The following TMC7 variants were observed in gnomAD, a reference collection of about 807,000 sequenced individuals.
TMC7 encodes the protein transmembrane channel-like protein 7.
Under a neutral mutation model 82.9 loss-of-function variants are expected in TMC7, and 54 were observed. The observed-to-expected ratio is 0.65, with a 90% confidence interval of 0.52 to 0.82. The LOEUF is 0.82. Ranked by LOEUF, TMC7 falls within the 40% of genes least tolerant of loss-of-function variation. The pLI is 0.00. For synonymous variants in TMC7, 350 were observed against 337.9 expected (o/e 1.04, Z -0.39); for missense variants, 820 against 901.2 (o/e 0.91, Z 1.15).
Position 19,040,236 on chromosome 16 carries a change from G to A in TMC7, c.1180-53G>A, listed in dbSNP as rs1960950043. On this transcript the variant is annotated intron_variant, in intron 8 of 15. Transcript: ENST00000304381. ...GAGTTCTTTTTTGTTCTATCTATTT[G>A]TGGTGTAACTTCCTCATATACTCCT... The A allele has an allele frequency of 2.0e-6, 3 of 1,511,538 alleles. No individual in the cohort carries two copies. In the Admixed American group the frequency reaches 5.8e-5, roughly 29 times the overall value. 93.6% of individuals were successfully genotyped at this position (1,511,538 alleles called of 1,614,324 possible).
chr16:18,994,451 CAA>C (rs112762077), intron 1 of TMC7, among the ~76,000 whole-genome samples: 5 of 123,394 alleles, frequency 4.1e-5, no homozygotes, highest in Admixed American at 8.5e-5. Flanking sequence ...AGACTCTTCT[CAA>C]AAAAAAAAAA....
chr16:19,036,696 C>A (rs1204998059), intron 7 of TMC7, among the ~76,000 whole-genome samples: 2 of 151,512 alleles, frequency 1.3e-5, no homozygotes, highest in Admixed American at 6.6e-5. Flanking sequence ...GCCTGGGTGA[C>A]AGAGCTAGAC....
At chr16:19,027,611 T>G (rs543472160) in intron 5 of TMC7, among the ~76,000 whole-genome samples, 1 of 152,224 alleles carries the variant, frequency 6.6e-6, no homozygotes, top group Non-Finnish European at 1.5e-5. Context: ...AGGGAGAGGT[T>G]GGTGACAGCC....
At chr16:19,013,177 C>A (rs1959474617) in intron 2 of TMC7, among the ~76,000 whole-genome samples, 1 of 151,882 alleles carries the variant, frequency 6.6e-6, no homozygotes, top group South Asian at 2.1e-4. Flanking sequence ...CTTTAATCCC[C>A]ACTCCACCCT....
chr16:19,006,466 G>A (rs1040980328), intron 1 of TMC7, among the ~76,000 whole-genome samples: 1 of 151,980 alleles, frequency 6.6e-6, no homozygotes, highest in Non-Finnish European at 1.5e-5. Context: ...TTACAGGCGT[G>A]AGCCACCGTG....
At chr16:19,017,402 T>C (rs1309664949) in intron 3 of TMC7, among the ~76,000 whole-genome samples, 2 of 149,594 alleles carry the variant, frequency 1.3e-5, no homozygotes, top group East Asian at 3.9e-4. Context: ...AATTATAATA[T>C]TTTAATATTA....
intron 1 of TMC7, among the ~76,000 whole-genome samples, chr16:18,986,884 A>G (rs1221827255): frequency 6.6e-6 from 1 of 151,740 alleles, no homozygotes; most frequent in East Asian, 1.9e-4. Flanking sequence ...GGCTCACTGC[A>G]AGCTCCGTCT....
chr16:19,061,765 T>A lies in TMC7; in HGVS notation c.2107-13T>A, dbSNP rs745900277. The A allele has an allele frequency of 1.7e-5, 28 of 1,610,904 alleles. No individual in the cohort carries two copies. Among genetic ancestry groups the A allele is most frequent in the Non-Finnish European group, 2.0e-5 (24 of 1,178,272 alleles). ...AATATATTAAATGTACATGTGAACT[T>A]ATTATTTTTTAGGAAAGTCGTGACA... On this transcript the variant is annotated splice_polypyrimidine_tract_variant and intron_variant, in intron 15 of 15. Coordinates refer to ENST00000304381, the MANE Select transcript of TMC7 (RefSeq NM_024847.4).
intron 1 of TMC7, among the ~76,000 whole-genome samples, chr16:18,988,521 G>T (rs1359190516): frequency 2.0e-5 from 3 of 151,780 alleles, no homozygotes; most frequent in Non-Finnish European, 4.4e-5. Flanking sequence ...AAACTCCTGA[G>T]TTCAATCGAT....
chr16:18,994,012 T>C (rs1373604854), intron 1 of TMC7, among the ~76,000 whole-genome samples: 2 of 151,736 alleles, frequency 1.3e-5, no homozygotes, highest in African/African-American at 4.8e-5. Flanking sequence ...GAAAGAAATA[T>C]GGGGAAATGA....
intron 4 of TMC7, among the ~76,000 whole-genome samples, chr16:19,022,637 C>T (rs919733630): frequency 2.6e-5 from 4 of 152,188 alleles, no homozygotes; most frequent in Admixed American, 1.3e-4. Flanking sequence ...CCGTGATGTT[C>T]GCATGACGAA....
chr16:19,023,477 C>T (rs1434638095), intron 5 of TMC7, among the ~76,000 whole-genome samples: 2 of 152,138 alleles, frequency 1.3e-5, no homozygotes, highest in Non-Finnish European at 2.9e-5. Flanking sequence ...GATGGAGTCT[C>T]GCTCCGTCGC....
Position 19,061,080 on chromosome 16 carries a change from T to G in TMC7, c.2107-698T>G, listed in dbSNP as rs181452102. On this transcript the variant is annotated intron_variant, in intron 15 of 15. Transcript: ENST00000304381. ...GTGCAGTGGTGTGATCTCAGTTCAC[T>G]GCAACCTCCACCTCCTGGGTTCAAG... 4.1e-3 allele frequency among the ~76,000 whole-genome samples: 620 copies of G among 150,818 alleles called. 2 individuals carry two copies. The highest frequency in any genetic ancestry group is 0.01 in the Middle Eastern group (3 of 294).
intron 1 of TMC7, among the ~76,000 whole-genome samples, chr16:18,988,448 T>G (rs905989604): frequency 5.3e-5 from 8 of 150,970 alleles, no homozygotes; most frequent in African/African-American, 1.9e-4. Flanking sequence ...TGCAACCACG[T>G]CTGGCTAATT....
intron 11 of TMC7, among the ~76,000 whole-genome samples, chr16:19,045,917 GA>G (rs1459915802): frequency 1.3e-5 from 2 of 151,808 alleles, no homozygotes; most frequent in Non-Finnish European, 2.9e-5. Context: ...TTTTTGTAGA[GA>G]GGGGCTCTTG....
At chr16:19,026,908 C>A (rs917314299) in intron 5 of TMC7, among the ~76,000 whole-genome samples, 2 of 149,224 alleles carry the variant, frequency 1.3e-5, no homozygotes, top group African/African-American at 5.0e-5. Context: ...GTTACAGGCG[C>A]CCACCACCAC....
chr16:19,047,072 G>T lies in TMC7; in HGVS notation c.1563G>T (p.Val521=). Residue 521 remains valine, a synonymous_variant, in exon 12 of 16, where the codon GTG becomes GTT. Transcript: ENST00000304381. The part of the protein sequence containing the change: ...LFVDFPRKLL[V]TYCSSCKLIQ... ...AATTGTCTGTTTCCAGGCTCCTGGT[G>T]ACCTACTGTTCCTCTTGCAAGCTGA... The T allele has an allele frequency of 1.2e-6, 2 of 1,606,946 alleles. No homozygotes were observed. Among genetic ancestry groups the T allele is most frequent in the Non-Finnish European group, 1.7e-6 (2 of 1,177,138 alleles).
In TMC7 at chr16:19,030,308, CT is replaced by C; in HGVS notation, c.797del (p.Leu266ArgfsTer5). The C allele has an allele frequency of 6.2e-7, 1 of 1,613,858 alleles. No individual in the cohort carries two copies. Among genetic ancestry groups the C allele is most frequent in the Non-Finnish European group, 8.5e-7 (1 of 1,179,962 alleles). Reference protein sequence around the residue: ...KFQNFTYDLPLAYLLSTIASL... With the variant: ...KFQNFTYDLPXAYLLSTIASL... ...TCAGAACTTCACCTATGATCTGCCC[CT>C]GGCGTATTTGTTAAGCACAATCGCC... is the stretch of plus-strand genomic sequence containing the variant. On this transcript the variant is annotated frameshift_variant, in exon 6 of 16. Coordinates refer to ENST00000304381, the MANE Select transcript of TMC7 (RefSeq NM_024847.4). LOFTEE classifies it high-confidence loss of function.
intron 1 of TMC7, among the ~76,000 whole-genome samples, chr16:18,987,279 T>G (rs1324404774): frequency 1.3e-5 from 2 of 152,028 alleles, no homozygotes; most frequent in Non-Finnish European, 2.9e-5. Flanking sequence ...TCTATCTGGT[T>G]TGGTTATTTT....
Sources: gnomAD v4.1 joint callset for allele counts (sites outside exome capture counted in the v4.1 genomes callset) on GRCh38, gnomAD v4.1.1 for gene constraint, MANE v1.5 for transcripts, NCBI Gene and HGNC (gene_info 2026-07-23, HGNC 2026-07-21) for gene names.